The following SCHIP1 variants were observed in gnomAD, a reference collection of about 807,000 sequenced individuals.
The protein encoded by SCHIP1 is schwannomin interacting protein 1, also known as schwannomin-interacting protein 1.
Under a neutral mutation model 29.7 loss-of-function variants are expected in SCHIP1, and 8 were observed. The observed-to-expected ratio is 0.27, with a 90% CI of 0.16 to 0.49. The LOEUF (loss-of-function observed/expected upper bound fraction) is 0.49, where lower values mean the gene tolerates loss of function less well. Ranked by LOEUF, SCHIP1 falls within the 20% of genes least tolerant of loss-of-function variation. The pLI is 0.99. For missense variants in SCHIP1, 193 were observed against 294.6 expected, an observed-to-expected ratio of 0.66 and a Z score of 2.52; for synonymous variants, 76 against 94.9, an observed-to-expected ratio of 0.80 and a Z score of 1.16.
At chr3:159,552,268 A>G in the SCHIP1 span, among the ~76,000 whole-genome samples, 23 of 151,394 alleles carry the variant, frequency 1.5e-4, no homozygotes, top group African/African-American at 5.3e-4. Context: ...CTGGTCTCCA[A>G]CTCCCAACCC....
Position 159,862,205 on chromosome 3 carries a change from T to C in SCHIP1, c.31-3958T>C, listed in dbSNP as rs75425957. Among the ~76,000 whole-genome samples the C allele has an allele frequency of 0.012, 1,851 of 152,328 alleles. 99 individuals carry two copies. In the South Asian group the frequency reaches 0.17, roughly 14 times the overall value. On this transcript the variant is annotated intron_variant, in intron 1 of 6. Transcript: ENST00000445224. Reference sequence around the variant, plus strand: ...AGGGAAGAAGTAGACCCATAAGTCTTTGTGCCACATTTTATCCTCTGCATG... The same window carrying C: ...AGGGAAGAAGTAGACCCATAAGTCTCTGTGCCACATTTTATCCTCTGCATG...
the SCHIP1 span, among the ~76,000 whole-genome samples, chr3:159,805,068 G>A: frequency 4.6e-5 from 7 of 152,150 alleles, no homozygotes; most frequent in African/African-American, 9.7e-5. Flanking sequence ...CCTTGAACCC[G>A]TAAGTGGAGC....
chr3:159,528,892 A>G, the SCHIP1 span, among the ~76,000 whole-genome samples: 3 of 152,196 alleles, frequency 2.0e-5, no homozygotes, highest in Admixed American at 1.3e-4. Context: ...CCTCACCAGA[A>G]CACTCCAATC....
chr3:159,380,654 A>C, the SCHIP1 span, among the ~76,000 whole-genome samples: 1 of 152,188 alleles, frequency 6.6e-6, no homozygotes, highest in Non-Finnish European at 1.5e-5. Context: ...AGCACCTGCC[A>C]AGTGCCAGGC....
the SCHIP1 span, among the ~76,000 whole-genome samples, chr3:159,610,355 C>T: frequency 2.0e-5 from 3 of 152,190 alleles, no homozygotes; most frequent in Non-Finnish European, 2.9e-5. Context: ...CCTACCTATT[C>T]ACTTATTCAT....
chr3:159,317,589 C>T, the SCHIP1 span, among the ~76,000 whole-genome samples: 2 of 152,140 alleles, frequency 1.3e-5, no homozygotes, highest in African/African-American at 4.8e-5. Context: ...AAAGTATTGT[C>T]ACCTAGTTGG....
the SCHIP1 span, among the ~76,000 whole-genome samples, chr3:159,509,887 G>A: frequency 3.3e-5 from 5 of 152,074 alleles, no homozygotes; most frequent in African/African-American, 9.7e-5. Flanking sequence ...CTTTCTCTCT[G>A]GCTGCCCTTA....
chr3:159,542,122 A>G, the SCHIP1 span, among the ~76,000 whole-genome samples: 1 of 152,132 alleles, frequency 6.6e-6, no homozygotes, highest in Admixed American at 6.6e-5. Flanking sequence ...ATATTGTATT[A>G]GTAAATTGAA....
the SCHIP1 span, among the ~76,000 whole-genome samples, chr3:159,464,982 G>A: frequency 1.3e-5 from 2 of 152,094 alleles, no homozygotes; most frequent in East Asian, 1.9e-4. Context: ...AAAGAATGTA[G>A]CCTAAAGCAA....
intron 3 of SCHIP1, chr3:159,886,675 G>A (rs1716990829): frequency 4.5e-6 from 1 of 220,648 alleles, no homozygotes; most frequent in Non-Finnish European, 9.1e-6. Flanking sequence ...AGGATCAGCT[G>A]AGCCCAGGAG....
the SCHIP1 span, among the ~76,000 whole-genome samples, chr3:159,660,239 A>G: frequency 6.6e-6 from 1 of 152,164 alleles, no homozygotes; most frequent in Non-Finnish European, 1.5e-5. Flanking sequence ...GGAGTCGGAT[A>G]TGAAATGGCC....
chr3:159,744,386 C>T, the SCHIP1 span, among the ~76,000 whole-genome samples: 1 of 152,132 alleles, frequency 6.6e-6, no homozygotes, highest in African/African-American at 2.4e-5. Context: ...CCATTAAAAC[C>T]AGTACAGACA....
At chr3:159,314,126 G>A in the SCHIP1 span, among the ~76,000 whole-genome samples, 903 of 152,254 alleles carry the variant, frequency 5.9e-3, 10 homozygotes, top group African/African-American at 0.021. Context: ...GATAGTTTGG[G>A]TCAGTGCTTG....
chr3:159,427,887 G>A, the SCHIP1 span, among the ~76,000 whole-genome samples: 2,432 of 151,596 alleles, frequency 0.016, 42 homozygotes, highest in African/African-American at 0.053. Context: ...CAGAAATAAC[G>A]CCGCATATCT....
At chr3:159,509,412 T>G in the SCHIP1 span, among the ~76,000 whole-genome samples, 1 of 152,230 alleles carries the variant, frequency 6.6e-6, no homozygotes. Context: ...GGATCTTGAC[T>G]CTTTATCCAA....
At chr3:159,708,142 CA>C in the SCHIP1 span, among the ~76,000 whole-genome samples, 1 of 152,074 alleles carries the variant, frequency 6.6e-6, no homozygotes, top group Non-Finnish European at 1.5e-5. Context: ...TCAGGAAACA[CA>C]AAAAGGCTGG....
chr3:159,331,057 AC>A, the SCHIP1 span, among the ~76,000 whole-genome samples: 1 of 152,276 alleles, frequency 6.6e-6, no homozygotes, highest in South Asian at 2.1e-4. Flanking sequence ...CCACAAGCAG[AC>A]CTTGAGACAA....
the SCHIP1 span, among the ~76,000 whole-genome samples, chr3:159,811,282 A>C: frequency 6.6e-6 from 1 of 152,154 alleles, no homozygotes; most frequent in African/African-American, 2.4e-5. Context: ...TGAAGCACAA[A>C]AGTTTTTAAT....
At chr3:159,442,155 G>A in the SCHIP1 span, among the ~76,000 whole-genome samples, 2 of 152,262 alleles carry the variant, frequency 1.3e-5, no homozygotes, top group African/African-American at 4.8e-5. Context: ...ATTTTGAGCT[G>A]TATCAGCCAG....
Sources: gnomAD v4.1 joint callset for allele counts (sites outside exome capture counted in the v4.1 genomes callset) on GRCh38, gnomAD v4.1.1 for gene constraint, MANE v1.5 for transcripts, NCBI Gene and HGNC (gene_info 2026-07-23, HGNC 2026-07-21) for gene names.